PLCXD3: variants seen among roughly 807,000 people sequenced by gnomAD.
PLCXD3 encodes PI-PLC X domain-containing protein 3.
A neutral mutation model predicts 25.5 loss-of-function variants in PLCXD3; 19 were observed. The ratio of observed to expected loss-of-function variants is 0.75; its 90% confidence interval spans 0.52 to 1.09. The LOEUF is 1.09. Ranked by LOEUF, PLCXD3 falls within the 50% of genes least tolerant of loss-of-function variation. PLCXD3 has a pLI of 0.00. For synonymous variants in PLCXD3, 174 were observed against 137.6 expected, an observed-to-expected ratio of 1.26 and a Z score of -1.85; for missense variants, 411 against 388.1, an observed-to-expected ratio of 1.06 and a Z score of -0.50.
At chr5:41,321,616 T>C (rs1743473172) in intron 2 of PLCXD3, among the ~76,000 whole-genome samples, 1 of 152,166 alleles carries the variant, frequency 6.6e-6, no homozygotes, top group Admixed American at 6.5e-5. Context: ...AGACCCAGCA[T>C]AGCCAAAGTT....
chr5:41,386,509 G>C (rs972006387), intron 1 of PLCXD3, among the ~76,000 whole-genome samples: 1 of 151,864 alleles, frequency 6.6e-6, no homozygotes, highest in Non-Finnish European at 1.5e-5. Context: ...TAATCCCTCC[G>C]CTTGAGTTTC....
chr5:41,381,766 G>T, intron 2 of PLCXD3, 60 bp downstream of exon 2: 1 of 1,462,534 alleles, frequency 6.8e-7, no homozygotes, highest in Non-Finnish European at 9.3e-7. Context: ...TCACTTATGA[G>T]CTCTATAAAT....
chr5:41,318,347 C>T (rs1743361424), intron 2 of PLCXD3, among the ~76,000 whole-genome samples: 1 of 152,034 alleles, frequency 6.6e-6, no homozygotes, highest in African/African-American at 2.4e-5. Flanking sequence ...AGTAGAAAGA[C>T]TAAACAATGA....
chr5:41,332,142 C>T (rs2150474814), intron 2 of PLCXD3, among the ~76,000 whole-genome samples: 1 of 152,132 alleles, frequency 6.6e-6, no homozygotes. Context: ...AAACTACCAT[C>T]AGAGTGAACA....
At chr5:41,440,215 A>ATTTTTTTTTTTTTTTTTTTTTTTTTTTT (rs70988846) in intron 1 of PLCXD3, among the ~76,000 whole-genome samples, 2 of 41,082 alleles carry the variant, frequency 4.9e-5, no homozygotes, top group Admixed American at 3.8e-4. Context: ...TAATCTCTCA[A>ATTTTTTTTTTTTTTTTTTTTTTTTTTTT]TTTTTTTTTT....
intron 1 of PLCXD3, among the ~76,000 whole-genome samples, chr5:41,481,287 A>G (rs1194409353): frequency 6.6e-6 from 1 of 152,152 alleles, no homozygotes; most frequent in East Asian, 1.9e-4. Context: ...GAGTTAATAC[A>G]TGTAAGTGAC....
chr5:41,472,742 C>T (rs941418960), intron 1 of PLCXD3, among the ~76,000 whole-genome samples: 8 of 152,300 alleles, frequency 5.3e-5, no homozygotes, highest in Admixed American at 2.6e-4. Context: ...TTGTTAGCAA[C>T]GTGCTGGATC....
In PLCXD3 at chr5:41,309,549, G is replaced by T. The variant is rs753271057; in HGVS notation, c.*4068C>A. 3.3e-5 allele frequency: 5 copies of T among 152,246 alleles called. No homozygotes were observed. The highest frequency in any genetic ancestry group is 1.2e-4 in the African/African-American group (5 of 41,446). 9.4% of individuals were successfully genotyped at this position (152,246 alleles called of 1,614,324 possible). A position where few individuals can be genotyped will look rare whatever the true frequency, so the allele number is the denominator to read the frequency against. On this transcript the variant is annotated 3_prime_UTR_variant, in exon 3 of 3. Transcript: ENST00000377801. The stretch of plus-strand genomic sequence containing the variant: ...TGACCAAAGATTAAAAGATTGTGTC[G>T]TTGGATCTGTAAAACTGTGAAACTA...
chr5:41,403,411 T>TG (rs1451771602), intron 1 of PLCXD3, among the ~76,000 whole-genome samples: 8 of 38,332 alleles, frequency 2.1e-4, no homozygotes, highest in African/African-American at 7.1e-4. Context: ...GTTTTTTTTT[T>TG]TTTTTATTAT....
chr5:41,503,421 T>C (rs879791040), intron 1 of PLCXD3, among the ~76,000 whole-genome samples: 5 of 152,146 alleles, frequency 3.3e-5, no homozygotes, highest in Non-Finnish European at 5.9e-5. Context: ...GTAAGAGCTG[T>C]CCACTTCCAG....
intron 1 of PLCXD3, among the ~76,000 whole-genome samples, chr5:41,396,190 C>T (rs893618321): frequency 2.6e-5 from 4 of 152,040 alleles, no homozygotes; most frequent in Non-Finnish European, 5.9e-5. Context: ...ATTTTAATTC[C>T]CAATGTTAGG....
intron 1 of PLCXD3, among the ~76,000 whole-genome samples, chr5:41,401,350 G>T: frequency 6.6e-6 from 1 of 151,798 alleles, no homozygotes. Context: ...TTTATATCTG[G>T]GTCCACAAAC....
intron 1 of PLCXD3, among the ~76,000 whole-genome samples, chr5:41,465,427 G>A (rs577675481): frequency 8.0e-5 from 7 of 87,318 alleles, no homozygotes; most frequent in South Asian, 4.0e-4. Context: ...TCTTTCTTAG[G>A]ATTTAACAAT....
At chr5:41,412,635 C>T (rs1270839190) in intron 1 of PLCXD3, among the ~76,000 whole-genome samples, 4 of 152,160 alleles carry the variant, frequency 2.6e-5, no homozygotes, top group Non-Finnish European at 4.4e-5. Flanking sequence ...TGCACCCCTC[C>T]GCCTCAGAAA....
intron 1 of PLCXD3, among the ~76,000 whole-genome samples, chr5:41,390,196 T>C (rs2150495585): frequency 6.6e-6 from 1 of 152,326 alleles, no homozygotes; most frequent in African/African-American, 2.4e-5. Flanking sequence ...TTTTTTTCTT[T>C]TTATTGCTAA....
intron 1 of PLCXD3, among the ~76,000 whole-genome samples, chr5:41,384,235 T>C (rs970766146): frequency 1.3e-5 from 2 of 152,192 alleles, no homozygotes; most frequent in Admixed American, 6.5e-5. Context: ...GGAGTTAGGT[T>C]CTGATTGGCA....
At chr5:41,369,241 G>A (rs318840) in intron 2 of PLCXD3, among the ~76,000 whole-genome samples, 91,905 of 151,818 alleles carry the variant, frequency 0.61, 28,553 homozygotes, top group South Asian at 0.75. Context: ...AAAAAACTAA[G>A]TTTTCAGGAT....
In PLCXD3 at chr5:41,508,409, C is replaced by T. The variant is rs145378048; in HGVS notation, c.103+2015G>A. Among the ~76,000 whole-genome samples, 103 of 152,222 alleles carry T rather than the reference C, an allele frequency of 6.8e-4. No individual in the cohort carries two copies. The East Asian group carries it at 0.016, about 23-fold the overall frequency. ...CCTCCAAAATTCATAGGGTATCTTC[C>T]CAAAGGTCCAAGTAAGGGGTCAGAT... On this transcript the variant is annotated intron_variant, in intron 1 of 2. Transcript: ENST00000377801.
chr5:41,486,991 A>G (rs1341532902), intron 1 of PLCXD3, among the ~76,000 whole-genome samples: 3 of 152,176 alleles, frequency 2.0e-5, no homozygotes, highest in African/African-American at 7.2e-5. Context: ...CAACTTACAG[A>G]TAATTAGAAT....
Sources: gnomAD v4.1 joint callset for allele counts (sites outside exome capture counted in the v4.1 genomes callset) on GRCh38, gnomAD v4.1.1 for gene constraint, MANE v1.5 for transcripts, NCBI Gene and HGNC (gene_info 2026-07-23, HGNC 2026-07-21) for gene names.